Variants in EXOC5 observed in about 807,000 individuals in gnomAD.
EXOC5 encodes exocyst complex component 5.
In EXOC5, 17 loss-of-function variants were observed where a neutral mutation model predicts 90.8. The observed-to-expected ratio is 0.19, with a 90% confidence interval of 0.13 to 0.28. The LOEUF is 0.28. EXOC5 is among the 10% of genes least tolerant of loss of function. The pLI, the probability that EXOC5 is intolerant of heterozygous loss-of-function variation, is 1.00. For synonymous variants in EXOC5, 260 were observed against 270.0 expected, an observed-to-expected ratio of 0.96 and a Z score of 0.36; for missense variants, 569 against 830.6, an observed-to-expected ratio of 0.69 and a Z score of 3.87.
intron 11 of EXOC5, among the ~76,000 whole-genome samples, chr14:57,231,264 C>A (rs1364663398): frequency 1.3e-5 from 2 of 152,118 alleles, no homozygotes; most frequent in Non-Finnish European, 2.9e-5. Context: ...CCATCTCGGC[C>A]TCCCAAAGTG....
rs767923020 is a variant in EXOC5, at chr14:57,234,006, A to G, written c.696T>C (p.Tyr232=). 1 of 1,599,350 alleles carries G rather than the reference A, an allele frequency of 6.3e-7. No individual in the cohort carries two copies. The highest frequency in any genetic ancestry group is 1.1e-5 in the South Asian group (1 of 90,680). ...ATGTTACCTCCTGGCACTGCTTTAT[A>G]TAAACATCAACACAATGGGAATAAC... ...FKGYSHCVDV[Y]IKQCQEGAYL... The change falls in exon 8 of 18, where the codon TAT becomes TAC. Residue 232 remains tyrosine (Y), a synonymous_variant. Transcript: ENST00000621441.
At chr14:57,229,103 TTTC>T (rs879014922) in intron 12 of EXOC5, among the ~76,000 whole-genome samples, 13 of 152,186 alleles carry the variant, frequency 8.5e-5, no homozygotes, top group Non-Finnish European at 1.5e-4. Flanking sequence ...TGATGCACCA[TTTC>T]TTCATGAGAA....
At chr14:57,242,686 T>C in intron 4 of EXOC5, among the ~76,000 whole-genome samples, 1 of 152,216 alleles carries the variant, frequency 6.6e-6, no homozygotes, top group East Asian at 1.9e-4. Flanking sequence ...TTTTTCCTTT[T>C]CTTTCCATTG....
intron 12 of EXOC5, among the ~76,000 whole-genome samples, chr14:57,227,409 C>T (rs904983506): frequency 2.0e-5 from 3 of 152,056 alleles, no homozygotes; most frequent in Non-Finnish European, 4.4e-5. Context: ...TGAAAAACAC[C>T]AGTTTAACAA....
In EXOC5 at chr14:57,231,490, T is replaced by C; in HGVS notation, c.1148+16A>G. On this transcript the variant is annotated intron_variant, in intron 11 of 17. Transcript: ENST00000621441. ...TGTCTTCAGTTTTAACAGAAGTATT[T>C]AACAAAAATACTCACCCTCCTGTGC... The C allele has an allele frequency of 6.4e-7, 1 of 1,569,586 alleles. No homozygotes were observed. Among genetic ancestry groups the C allele is most frequent in the African/African-American group, 1.4e-5 (1 of 73,304 alleles).
intron 1 of EXOC5, among the ~76,000 whole-genome samples, chr14:57,261,151 A>G (rs1159714092): frequency 6.6e-6 from 1 of 152,092 alleles, no homozygotes; most frequent in Non-Finnish European, 1.5e-5. Context: ...CTTTTAAATT[A>G]TTTATCACTC....
At chr14:57,213,970 AAAACAAAAAC>A (rs1882900353) in intron 15 of EXOC5, among the ~76,000 whole-genome samples, 1 of 152,134 alleles carries the variant, frequency 6.6e-6, no homozygotes, top group Non-Finnish European at 1.5e-5. Flanking sequence ...TCCACCTCAA[AAAACAAAAAC>A]AAACAAAAAG....
intron 4 of EXOC5, among the ~76,000 whole-genome samples, chr14:57,242,907 T>C (rs1268667958): frequency 1.3e-5 from 2 of 152,228 alleles, no homozygotes; most frequent in Admixed American, 6.5e-5. Context: ...CATGGAAAAC[T>C]ACTCAGCCAC....
intron 15 of EXOC5, among the ~76,000 whole-genome samples, chr14:57,214,646 G>A (rs1882922713): frequency 6.6e-6 from 1 of 152,124 alleles, no homozygotes; most frequent in Non-Finnish European, 1.5e-5. Flanking sequence ...CATGTTATGT[G>A]ATATTCTCCA....
At chr14:57,263,790 A>C (rs1176235329) in intron 1 of EXOC5, among the ~76,000 whole-genome samples, 1 of 150,660 alleles carries the variant, frequency 6.6e-6, no homozygotes, top group Non-Finnish European at 1.5e-5. Flanking sequence ...CTGCCCTCGA[A>C]CTCCTATGGT....
intron 12 of EXOC5, among the ~76,000 whole-genome samples, chr14:57,227,996 CAAGA>C (rs1386677752): frequency 7.0e-6 from 1 of 143,756 alleles, no homozygotes; most frequent in Non-Finnish European, 1.5e-5. Flanking sequence ...TACATACAAA[CAAGA>C]TATATATACA....
intron 7 of EXOC5, among the ~76,000 whole-genome samples, chr14:57,235,286 G>A (rs1883623587): frequency 6.6e-6 from 1 of 151,982 alleles, no homozygotes. Flanking sequence ...AAATTCTTTT[G>A]TATTACCTCC....
intron 13 of EXOC5, among the ~76,000 whole-genome samples, chr14:57,220,621 A>C (rs879345348): frequency 6.6e-6 from 1 of 151,898 alleles, no homozygotes; most frequent in East Asian, 2.0e-4. Flanking sequence ...GCAACAAAGT[A>C]AGACCCCAAC....
rs1188798788 is a variant in EXOC5, at chr14:57,204,776, T to A, written c.*3833A>T. 2 of 152,398 alleles carry A rather than the reference T, an allele frequency of 1.3e-5. No homozygotes were observed. Among genetic ancestry groups the A allele is most frequent in the African/African-American group, 4.8e-5 (2 of 41,420 alleles). The allele number at this position is 152,398 out of a possible 1,614,324, so 9.4% of individuals were successfully genotyped here. On this transcript the variant is annotated 3_prime_UTR_variant, in exon 18 of 18. Coordinates refer to ENST00000621441, the MANE Select transcript of EXOC5 (RefSeq NM_006544.4). The stretch of plus-strand genomic sequence containing the variant: ...CTTATAATATTTAAAAAATCAAATT[T>A]AAAAAGTATGACCATACATTGAACA...
intron 13 of EXOC5, among the ~76,000 whole-genome samples, chr14:57,220,157 T>C (rs1050916077): frequency 4.6e-5 from 7 of 152,050 alleles, no homozygotes; most frequent in Non-Finnish European, 1.0e-4. Context: ...TTTAGAACAA[T>C]GATTTTTTTT....
At chr14:57,251,930 T>C (rs953189939) in intron 1 of EXOC5, among the ~76,000 whole-genome samples, 2 of 152,116 alleles carry the variant, frequency 1.3e-5, no homozygotes, top group South Asian at 4.1e-4. Flanking sequence ...TTACAAACAA[T>C]TGTATACCAA....
chr14:57,224,858 T>C (rs1594656246), intron 12 of EXOC5, among the ~76,000 whole-genome samples: 1 of 152,116 alleles, frequency 6.6e-6, no homozygotes, highest in East Asian at 1.9e-4. Context: ...GGTCAGAGGT[T>C]CAAGACCACC....
intron 1 of EXOC5, among the ~76,000 whole-genome samples, chr14:57,264,859 G>T (rs1364483343): frequency 6.6e-6 from 1 of 152,144 alleles, no homozygotes; most frequent in Non-Finnish European, 1.5e-5. Context: ...ATTTTTAAGA[G>T]TATAGTATCA....
rs551347056 is a variant in EXOC5, at chr14:57,206,851, G to A, written c.*1758C>T. 3.9e-5 allele frequency: 6 copies of A among 152,094 alleles called. No homozygotes were observed. The East Asian group carries it at 7.7e-4, about 20-fold the overall frequency. 9.4% of individuals were successfully genotyped at this position (152,094 alleles called of 1,614,324 possible). ...CATGTTTTATTTGAGATTTTTTTTC[G>A]TTTTTTCTTTTTTACAAATTGACAC... On this transcript the variant is annotated 3_prime_UTR_variant, in exon 18 of 18. Transcript: ENST00000621441.
Sources: gnomAD v4.1 joint callset for allele counts (sites outside exome capture counted in the v4.1 genomes callset) on GRCh38, gnomAD v4.1.1 for gene constraint, MANE v1.5 for transcripts, NCBI Gene and HGNC (gene_info 2026-07-23, HGNC 2026-07-21) for gene names.